Variants in RALA observed in about 807,000 individuals in gnomAD.
RALA encodes the protein RAS like proto-oncogene A, also known as ras-related protein Ral-A.
RALA carries 5 observed loss-of-function variants against 24.0 expected under a neutral mutation model. The observed-to-expected ratio is 0.21, with a 90% CI of 0.11 to 0.44. The LOEUF is 0.44. Among genes scored for constraint, RALA ranks in the 20% least tolerant of loss-of-function variants. RALA has a pLI of 0.99. For synonymous variants in RALA, 77 were observed against 83.8 expected (o/e 0.92, Z 0.44); for missense variants, 95 against 241.2 (o/e 0.39, Z 4.01).
chr7:39,658,680 A>T (rs577600001), intron 1 of RALA, among the ~76,000 whole-genome samples: 1 of 152,164 alleles, frequency 6.6e-6, no homozygotes, highest in South Asian at 2.1e-4. Flanking sequence ...TAAAAACCTG[A>T]TTCTGAGTCA....
intron 1 of RALA, among the ~76,000 whole-genome samples, chr7:39,628,757 A>C (rs761059960): frequency 6.6e-6 from 1 of 151,988 alleles, no homozygotes; most frequent in African/African-American, 2.4e-5. Flanking sequence ...GGGTTTCACC[A>C]TGCTGGCCAG....
At chr7:39,652,466 G>A (rs1052209792) in intron 1 of RALA, among the ~76,000 whole-genome samples, 4 of 152,144 alleles carry the variant, frequency 2.6e-5, no homozygotes, top group Non-Finnish European at 4.4e-5. Context: ...GGGCTTCTAG[G>A]GATGAAGGTC....
chr7:39,653,617 T>A (rs889247916), intron 1 of RALA, among the ~76,000 whole-genome samples: 1 of 152,234 alleles, frequency 6.6e-6, no homozygotes, highest in Non-Finnish European at 1.5e-5. Flanking sequence ...ATTTAGAATT[T>A]ATTTATTTAG....
intron 4 of RALA, among the ~76,000 whole-genome samples, chr7:39,699,332 G>C (rs1442151081): frequency 6.6e-6 from 1 of 150,578 alleles, no homozygotes; most frequent in African/African-American, 2.5e-5. Flanking sequence ...AGTAGAGACG[G>C]GGTTTCACCT....
chr7:39,670,112 T>A (rs1046381608), intron 1 of RALA, among the ~76,000 whole-genome samples: 1 of 152,216 alleles, frequency 6.6e-6, no homozygotes, highest in African/African-American at 2.4e-5. Flanking sequence ...AATTATACTT[T>A]TAAAGATTAG....
At chr7:39,662,133 G>A (rs1386346310) in intron 1 of RALA, among the ~76,000 whole-genome samples, 1 of 152,080 alleles carries the variant, frequency 6.6e-6, no homozygotes, top group Non-Finnish European at 1.5e-5. Flanking sequence ...ACACAGCATG[G>A]GTTGGGGGGC....
At chr7:39,702,334 G>T (rs988898898) in intron 4 of RALA, among the ~76,000 whole-genome samples, 3 of 152,010 alleles carry the variant, frequency 2.0e-5, no homozygotes, top group African/African-American at 7.2e-5. Context: ...GCATTTGCTT[G>T]TTTTTTCTTC....
chr7:39,688,487 T>G (rs1792749832), intron 2 of RALA, among the ~76,000 whole-genome samples: 1 of 152,228 alleles, frequency 6.6e-6, no homozygotes, highest in Non-Finnish European at 1.5e-5. Context: ...TTCATACTGT[T>G]TATTTAAGAG....
At chr7:39,633,810 T>C (rs1791640097) in intron 1 of RALA, among the ~76,000 whole-genome samples, 2 of 152,180 alleles carry the variant, frequency 1.3e-5, no homozygotes, top group African/African-American at 4.8e-5. Context: ...TGGTGTGAAA[T>C]CAGGTGTTGG....
intron 1 of RALA, among the ~76,000 whole-genome samples, chr7:39,633,955 T>C (rs1055637084): frequency 6.6e-6 from 1 of 152,206 alleles, no homozygotes; most frequent in Non-Finnish European, 1.5e-5. Flanking sequence ...TAGCGTATTT[T>C]CTGTAGATTC....
At chr7:39,688,471 C>A (rs759653166) in intron 2 of RALA, among the ~76,000 whole-genome samples, 9 of 151,500 alleles carry the variant, frequency 5.9e-5, no homozygotes, top group South Asian at 2.1e-4. Context: ...TCATTGAATT[C>A]TTTGTTTCAT....
chr7:39,625,102 T>G (rs1448624914), intron 1 of RALA, among the ~76,000 whole-genome samples: 1 of 152,250 alleles, frequency 6.6e-6, no homozygotes, highest in Admixed American at 6.5e-5. Context: ...ATAGAAGCTG[T>G]TCACACATTT....
chr7:39,671,558 A>C (rs1411981842), intron 1 of RALA, among the ~76,000 whole-genome samples: 1 of 152,154 alleles, frequency 6.6e-6, no homozygotes, highest in African/African-American at 2.4e-5. Flanking sequence ...ATGCTGTTTT[A>C]TTAATGTTAA....
At chr7:39,644,043 C>A (rs1791884607) in intron 1 of RALA, among the ~76,000 whole-genome samples, 1 of 152,004 alleles carries the variant, frequency 6.6e-6, no homozygotes, top group African/African-American at 2.4e-5. Context: ...AAAAATTATT[C>A]AGTTAAATTG....
At chr7:39,668,809 AAAAAG>A (rs1271616127) in intron 1 of RALA, among the ~76,000 whole-genome samples, 3 of 151,280 alleles carry the variant, frequency 2.0e-5, no homozygotes, top group East Asian at 1.9e-4. Flanking sequence ...AAAAAAAAAA[AAAAAG>A]AAAAGAAAAG....
chr7:39,632,424 T>G (rs981680408), intron 1 of RALA, among the ~76,000 whole-genome samples: 2 of 152,228 alleles, frequency 1.3e-5, no homozygotes, highest in African/African-American at 4.8e-5. Context: ...ATCTTCACCA[T>G]GGATATACAA....
intron 1 of RALA, among the ~76,000 whole-genome samples, chr7:39,648,826 G>A (rs575709091): frequency 3.9e-5 from 6 of 152,262 alleles, no homozygotes; most frequent in Admixed American, 2.6e-4. Context: ...TTGGGAGGTC[G>A]AGGCAAGCGG....
At chr7:39,638,987 G>A (rs1364790257) in intron 1 of RALA, among the ~76,000 whole-genome samples, 9 of 152,228 alleles carry the variant, frequency 5.9e-5, no homozygotes, top group Non-Finnish European at 1.3e-4. Context: ...ATCCTCACCA[G>A]CAGTGTTTGA....
intron 1 of RALA, among the ~76,000 whole-genome samples, chr7:39,635,859 G>T (rs150864590): frequency 2.1e-3 from 315 of 152,278 alleles, no homozygotes; most frequent in African/African-American, 7.4e-3. Context: ...GTTCCTAACA[G>T]GCCACAGACT....
Sources: gnomAD v4.1 joint callset for allele counts (sites outside exome capture counted in the v4.1 genomes callset) on GRCh38, gnomAD v4.1.1 for gene constraint, MANE v1.5 for transcripts, NCBI Gene and HGNC (gene_info 2026-07-23, HGNC 2026-07-21) for gene names.